PLCH1: variants seen among roughly 807,000 people sequenced by gnomAD.
The protein encoded by PLCH1 is 1-phosphatidylinositol 4,5-bisphosphate phosphodiesterase eta-1.
Under a neutral mutation model 126.7 loss-of-function variants are expected in PLCH1, and 60 were observed. The observed-to-expected ratio is 0.47, with a 90% CI of 0.38 to 0.59. The LOEUF is 0.59. Ranked by LOEUF, PLCH1 falls within the 20% of genes least tolerant of loss-of-function variation. The probability of loss-of-function intolerance (pLI) is 0.00; values close to 1 mark genes in which losing one functional copy is unlikely to be tolerated. For synonymous variants in PLCH1, 719 were observed against 734.9 expected (o/e 0.98, Z 0.35); for missense variants, 1,723 against 2,040.0 (o/e 0.84, Z 2.99).
chr3:155,543,200 G>A (rs930723356), intron 10 of PLCH1, among the ~76,000 whole-genome samples: 6 of 152,202 alleles, frequency 3.9e-5, no homozygotes, highest in South Asian at 2.1e-4. Flanking sequence ...TAAAGGAGCC[G>A]ATGGAGCTGA....
At chr3:155,620,497 G>T (rs1736331795) in intron 2 of PLCH1, among the ~76,000 whole-genome samples, 1 of 152,184 alleles carries the variant, frequency 6.6e-6, no homozygotes, top group South Asian at 2.1e-4. Context: ...GTCAGGGATG[G>T]ATTGAAAGAG....
At chr3:155,738,993 A>G (rs953248635) in intron 1 of PLCH1, among the ~76,000 whole-genome samples, 3 of 152,074 alleles carry the variant, frequency 2.0e-5, no homozygotes, top group Non-Finnish European at 4.4e-5. Context: ...ATCCATCGCA[A>G]CTCAGCCACC....
chr3:155,578,402 C>T (rs1479274718), intron 6 of PLCH1, among the ~76,000 whole-genome samples: 1 of 152,184 alleles, frequency 6.6e-6, no homozygotes, highest in Non-Finnish European at 1.5e-5. Context: ...ATTTCTAAAA[C>T]ATATGTGATT....
At chr3:155,545,623 A>C (rs1024547593) in intron 10 of PLCH1, among the ~76,000 whole-genome samples, 1 of 152,232 alleles carries the variant, frequency 6.6e-6, no homozygotes, top group African/African-American at 2.4e-5. Flanking sequence ...GATGAACATC[A>C]ATGCAAAAAT....
At chr3:155,657,493 A>T (rs1000298626) in intron 2 of PLCH1, among the ~76,000 whole-genome samples, 2 of 152,164 alleles carry the variant, frequency 1.3e-5, no homozygotes, top group Admixed American at 6.5e-5. Flanking sequence ...GCTGAGTACT[A>T]ATTAGTGCAT....
At chr3:155,604,302 A>G (rs972397411) in intron 2 of PLCH1, among the ~76,000 whole-genome samples, 1 of 152,236 alleles carries the variant, frequency 6.6e-6, no homozygotes, top group Non-Finnish European at 1.5e-5. Context: ...AAATGTGCTT[A>G]CAAACAACCA....
chr3:155,540,093 T>TAA, intron 10 of PLCH1, among the ~76,000 whole-genome samples: 1 of 152,134 alleles, frequency 6.6e-6, no homozygotes, highest in East Asian at 1.9e-4. Context: ...GCCAAATACT[T>TAA]ACAGTGAACT....
At chr3:155,598,010 C>T (rs1733204380) in intron 2 of PLCH1, among the ~76,000 whole-genome samples, 1 of 151,914 alleles carries the variant, frequency 6.6e-6, no homozygotes, top group Admixed American at 6.6e-5. Context: ...ATGGTGAAAC[C>T]CCATCTCTAC....
chr3:155,698,796 A>C (rs190753487), intron 2 of PLCH1, among the ~76,000 whole-genome samples: 25 of 152,236 alleles, frequency 1.6e-4, no homozygotes, highest in Admixed American at 5.2e-4. Flanking sequence ...ATACACCTGA[A>C]CATCATAGGC....
intron 8 of PLCH1, among the ~76,000 whole-genome samples, chr3:155,561,593 T>C (rs528278420): frequency 4.3e-4 from 66 of 152,170 alleles, no homozygotes; most frequent in African/African-American, 1.5e-3. Context: ...GCAATAAACA[T>C]ACGTGTGCAT....
chr3:155,642,321 A>G (rs1341608942), intron 2 of PLCH1, among the ~76,000 whole-genome samples: 1 of 152,216 alleles, frequency 6.6e-6, no homozygotes, highest in East Asian at 1.9e-4. Context: ...TAATGAAAGT[A>G]GAAAGCAAAA....
intron 2 of PLCH1, among the ~76,000 whole-genome samples, chr3:155,682,741 A>G (rs1744635689): frequency 6.6e-6 from 1 of 152,220 alleles, no homozygotes; most frequent in Non-Finnish European, 1.5e-5. Context: ...CACCAGGCAA[A>G]CATGCTTAAA....
In PLCH1 at chr3:155,538,685, G is replaced by A. The variant is rs542759383; in HGVS notation, c.1362+11102C>T. ...AAGTTCCTGGAAATATACAATCCTC[G>A]GAGGTTAAACCAGGAAGAAACAGAA... On this transcript the variant is annotated intron_variant, in intron 10 of 22. Coordinates refer to ENST00000460012, the MANE Select transcript of PLCH1 (RefSeq NM_014996.4). Among the ~76,000 whole-genome samples the A allele has an allele frequency of 1.5e-4, 23 of 151,960 alleles. No homozygotes were observed. In the South Asian group the frequency reaches 1.9e-3, roughly 12 times the overall value.
At chr3:155,516,112 A>C (rs1182044765) in intron 11 of PLCH1, among the ~76,000 whole-genome samples, 3 of 152,202 alleles carry the variant, frequency 2.0e-5, no homozygotes, top group African/African-American at 4.8e-5. Context: ...ACTTCCCTGG[A>C]GACCTCCAGG....
chr3:155,668,828 G>T (rs1743081463), intron 2 of PLCH1, among the ~76,000 whole-genome samples: 1 of 152,160 alleles, frequency 6.6e-6, no homozygotes, highest in South Asian at 2.1e-4. Context: ...GGAGACAGAG[G>T]TTGCAGTGAG....
intron 2 of PLCH1, among the ~76,000 whole-genome samples, chr3:155,619,208 G>A (rs1163724115): frequency 2.0e-5 from 3 of 152,020 alleles, no homozygotes; most frequent in African/African-American, 7.2e-5. Flanking sequence ...TATTTGTTAA[G>A]GTTGTTATTG....
intron 2 of PLCH1, among the ~76,000 whole-genome samples, chr3:155,630,754 A>C (rs1044166765): frequency 1.3e-5 from 2 of 152,210 alleles, no homozygotes; most frequent in Admixed American, 6.5e-5. Flanking sequence ...TCTGGCTTAG[A>C]GGGTTAAGGA....
At chr3:155,610,642 G>T (rs1398793768) in intron 2 of PLCH1, among the ~76,000 whole-genome samples, 1 of 151,960 alleles carries the variant, frequency 6.6e-6, no homozygotes, top group Non-Finnish European at 1.5e-5. Flanking sequence ...GGGAAATAAA[G>T]TCTTTTTCAA....
At chr3:155,704,287 A>G in intron 1 of PLCH1, 23 bp from the exon 2 acceptor site, 2 of 675,022 alleles carry the variant, frequency 3.0e-6, no homozygotes, top group Non-Finnish European at 4.2e-6. Flanking sequence ...ACAGAATGAG[A>G]CAAAAATGAA....
Sources: allele counts gnomAD v4.1 joint callset (sites outside exome capture counted in the v4.1 genomes callset), GRCh38; gene constraint gnomAD v4.1.1; transcripts MANE v1.5; gene names NCBI Gene and HGNC (gene_info 2026-07-23, HGNC 2026-07-21).